CNOT10: variants seen among roughly 807,000 people sequenced by gnomAD.
CNOT10 encodes the protein CCR4-NOT transcription complex subunit 10.
Under a neutral mutation model 94.6 loss-of-function variants are expected in CNOT10, and 30 were observed. The observed-to-expected ratio is 0.32, with a 90% CI of 0.24 to 0.43. The LOEUF is 0.43. Among genes scored for constraint, CNOT10 ranks in the 20% least tolerant of loss-of-function variants. The pLI is 1.00. For synonymous variants in CNOT10, 289 were observed against 301.6 expected (o/e 0.96, Z 0.43); for missense variants, 759 against 877.2 (o/e 0.87, Z 1.70).
intron 14 of CNOT10, among the ~76,000 whole-genome samples, chr3:32,761,398 T>A (rs767695657): frequency 6.6e-6 from 1 of 152,122 alleles, no homozygotes; most frequent in Non-Finnish European, 1.5e-5. Context: ...AACTGGACTT[T>A]GTGTGTTTGT....
chr3:32,732,649 C>T (rs936315760), intron 10 of CNOT10, among the ~76,000 whole-genome samples: 21 of 151,778 alleles, frequency 1.4e-4, no homozygotes, highest in African/African-American at 4.8e-4. Context: ...CTATGTTGCC[C>T]AGGCTGGTCT....
chr3:32,749,774 T>C (rs1699877388), intron 13 of CNOT10, among the ~76,000 whole-genome samples: 1 of 152,114 alleles, frequency 6.6e-6, no homozygotes, highest in Admixed American at 6.6e-5. Context: ...TTTTGCATAC[T>C]ACGATCTTGT....
intron 10 of CNOT10, 123 bp from the exon 11 acceptor site, chr3:32,733,300 A>C (rs1699038440): frequency 1.4e-6 from 1 of 705,494 alleles, no homozygotes; most frequent in East Asian, 2.9e-5. Flanking sequence ...ATCACCAAAA[A>C]AAGTCCTCAT....
intron 13 of CNOT10, among the ~76,000 whole-genome samples, chr3:32,751,139 C>T (rs111510337): frequency 1.3e-5 from 2 of 151,952 alleles, no homozygotes; most frequent in East Asian, 1.9e-4. Flanking sequence ...CTTGCTCTGT[C>T]GCCCAGGCTA....
At position 32,764,684 on chromosome 3, in the gene CNOT10, G is replaced by A. The variant is rs1347199923; in HGVS notation, c.1879G>A (p.Gly627Ser). Residue 627 changes from glycine to serine, a missense_variant and splice_region_variant, in exon 17 of 19, where the codon GGT (glycine) becomes AGT (serine). Coordinates refer to ENST00000328834, the MANE Select transcript of CNOT10 (RefSeq NM_015442.3). ...GTGTCTACACTCTTTTTCCCCAGCTGGTAAGCGGGCCCCTCAGTGCTACCC... is the reference window on the plus strand; with the variant it reads ...GTGTCTACACTCTTTTTCCCCAGCTAGTAAGCGGGCCCCTCAGTGCTACCC... ...KGENEAMESSGKRAPQCYPSS... is the reference protein window; with the variant it reads ...KGENEAMESSSKRAPQCYPSS... 1 of 1,613,308 alleles carries A rather than the reference G, an allele frequency of 6.2e-7. No individual in the cohort carries two copies. The highest frequency in any genetic ancestry group is 2.2e-5 in the East Asian group (1 of 44,880).
intron 1 of CNOT10, among the ~76,000 whole-genome samples, chr3:32,698,432 G>A (rs1278013387): frequency 6.6e-6 from 1 of 152,108 alleles, no homozygotes; most frequent in Non-Finnish European, 1.5e-5. Context: ...TCAGTCTTCT[G>A]GGGGTTTCGT....
intron 17 of CNOT10, chr3:32,765,206 T>G: frequency 3.3e-6 from 1 of 305,940 alleles, no homozygotes. Context: ...TAGTCCCAGC[T>G]ACTCGGGAGG....
intron 12 of CNOT10, among the ~76,000 whole-genome samples, chr3:32,737,175 C>T (rs981452055): frequency 2.0e-5 from 3 of 151,716 alleles, no homozygotes; most frequent in Non-Finnish European, 4.4e-5. Context: ...ATTAGCTGGG[C>T]GTGGTGGTGT....
intron 15 of CNOT10, among the ~76,000 whole-genome samples, chr3:32,763,183 A>C (rs189794219): frequency 6.6e-6 from 1 of 152,250 alleles, no homozygotes; most frequent in East Asian, 1.9e-4. Flanking sequence ...TTCAAGAGTC[A>C]GTTTTAGTCC....
chr3:32,760,582 C>G (rs1302522770), intron 14 of CNOT10, among the ~76,000 whole-genome samples: 1 of 151,634 alleles, frequency 6.6e-6, no homozygotes, highest in South Asian at 2.1e-4. Context: ...CGGTGAGCCA[C>G]GGTTGCACCA....
intron 13 of CNOT10, among the ~76,000 whole-genome samples, chr3:32,742,199 C>T (rs555005419): frequency 2.6e-5 from 4 of 152,042 alleles, no homozygotes; most frequent in South Asian, 2.1e-4. Context: ...CCACCGACCC[C>T]GGCCTCCCAA....
In CNOT10 at chr3:32,685,305, C is replaced by G; in HGVS notation, c.-156C>G. 1.4e-6 allele frequency: 1 copy of G among 733,246 alleles called. No homozygotes were observed. Among genetic ancestry groups the G allele is most frequent in the Non-Finnish European group, 2.3e-6 (1 of 443,732 alleles). The allele number at this position is 733,246 out of a possible 1,614,324, so 45.4% of individuals were successfully genotyped here. ...CGGGAACTAGCTCTCGTCACTTCCT[C>G]AGCCCGCCGTCTGCCCACTCCTCTA... On this transcript the variant is annotated 5_prime_UTR_variant, in exon 1 of 19. Coordinates refer to ENST00000328834, the MANE Select transcript of CNOT10 (RefSeq NM_015442.3).
rs572763040 is a variant in CNOT10 at position 32,707,400 on chromosome 3, C to A, written c.280-1270C>A. On this transcript the variant is annotated intron_variant, in intron 3 of 18. Coordinates refer to ENST00000328834, the MANE Select transcript of CNOT10 (RefSeq NM_015442.3). ...ATTGAGTACTTTAAAAAAATCTATT[C>A]TTTTTTACGGGAACGAAACCTGAAA... Among the ~76,000 whole-genome samples, 3 of 151,752 alleles carry A rather than the reference C, an allele frequency of 2.0e-5. No homozygotes were observed. The East Asian group carries it at 5.8e-4, about 29-fold the overall frequency.
At chr3:32,761,723 TTTC>T (rs1700453948) in intron 14 of CNOT10, among the ~76,000 whole-genome samples, 1 of 145,072 alleles carries the variant, frequency 6.9e-6, no homozygotes, top group African/African-American at 2.5e-5. Flanking sequence ...GCCCTACTAA[TTTC>T]TTTTTTTTTT....
At chr3:32,724,720 G>T (rs1453086284) in intron 8 of CNOT10, among the ~76,000 whole-genome samples, 1 of 151,400 alleles carries the variant, frequency 6.6e-6, no homozygotes, top group Non-Finnish European at 1.5e-5. Flanking sequence ...CCCAATGCCT[G>T]GCTAATTTTT....
Position 32,764,777 on chromosome 3 carries a change from G to C in CNOT10, c.1972G>C (p.Glu658Gln). ...TGGCAGCGCTTACTGCCTGAGGAGC[G>C]AATATGACAAAGCCCGAAAGTGTCT... ...NLGSAYCLRS[E>Q]YDKARKCLHQ... The change falls in exon 17 of 19, where the codon GAA becomes CAA. Residue 658 changes from glutamate (E) to glutamine (Q), a missense_variant. Physicochemically the swap from Glu to Gln is conservative, Grantham distance 29 (BLOSUM62 2). Transcript: ENST00000328834. 1 of 1,614,172 alleles carries C rather than the reference G, an allele frequency of 6.2e-7. No individual in the cohort carries two copies. The highest frequency in any genetic ancestry group is 8.5e-7 in the Non-Finnish European group (1 of 1,180,028).
Position 32,714,103 on chromosome 3 carries a change from G to C in CNOT10, c.573+734G>C, listed in dbSNP as rs148520969. 4.1e-3 allele frequency among the ~76,000 whole-genome samples: 619 copies of C among 152,188 alleles called. 1 individual carries two copies. Among genetic ancestry groups the C allele is most frequent in the Non-Finnish European group, 6.8e-3 (462 of 68,012 alleles). On this transcript the variant is annotated intron_variant, in intron 5 of 18. Transcript: ENST00000328834. ...ACCCTATACAAGACTGTTTTACAAA[G>C]TGGCTGCACTATTTTAAATTCCCAC...
intron 1 of CNOT10, among the ~76,000 whole-genome samples, chr3:32,690,656 C>T (rs1020847932): frequency 2.6e-5 from 4 of 151,856 alleles, no homozygotes; most frequent in Admixed American, 2.6e-4. Context: ...ACACCATTCT[C>T]CTGCCTCAGC....
Position 32,703,934 on chromosome 3 carries a change from T to C in CNOT10, c.89T>C (p.Leu30Ser). 3 of 1,613,446 alleles carry C rather than the reference T, an allele frequency of 1.9e-6. No homozygotes were observed. The highest frequency in any genetic ancestry group is 2.5e-6 in the Non-Finnish European group (3 of 1,179,376). ...GGGATCACTGATCAAGAGAAGGAGT[T>C]ATCCACCAATGCTTTCCAAGCTTTC... The part of the protein sequence containing the change: ...SSGITDQEKE[L>S]STNAFQAFTS... Residue 30 changes from leucine to serine, a missense_variant, in exon 2 of 19, where the codon TTA (leucine) becomes TCA (serine). Leu to Ser is a moderately radical substitution (Grantham distance 145). Around this residue, in one of 3 missense-constraint regions of CNOT10, gnomAD observed 682 missense variants for 799.4 expected, o/e 0.85. Transcript: ENST00000328834.
Sources: gnomAD v4.1 joint callset for allele counts (sites outside exome capture counted in the v4.1 genomes callset) on GRCh38, gnomAD v4.1.1 for gene constraint, gnomAD v4.1.1 regional missense constraint, MANE v1.5 for transcripts, NCBI Gene and HGNC (gene_info 2026-07-23, HGNC 2026-07-21) for gene names.